The following PLD1 variants were observed in gnomAD, a reference collection of about 807,000 sequenced individuals.
PLD1 encodes the protein choline phosphatase 1.
PLD1 carries 112 observed loss-of-function variants against 137.1 expected under a neutral mutation model. The ratio of observed to expected loss-of-function variants is 0.82; its 90% CI spans 0.70 to 0.96. PLD1 has a LOEUF of 0.96. PLD1 is among the 40% of genes least tolerant of loss of function. The probability of loss-of-function intolerance (pLI) is 0.00; values close to 1 mark genes in which losing one functional copy is unlikely to be tolerated. For missense variants in PLD1, 1,321 were observed against 1,342.0 expected, an observed-to-expected ratio of 0.98 and a Z score of 0.24; for synonymous variants, 431 against 454.7, an observed-to-expected ratio of 0.95 and a Z score of 0.66.
intron 1 of PLD1, among the ~76,000 whole-genome samples, chr3:171,773,517 G>A (rs1396784937): frequency 3.9e-5 from 6 of 151,948 alleles, no homozygotes; most frequent in African/African-American, 9.7e-5. Flanking sequence ...CAGGAGAATC[G>A]CTTGAACCCG....
intron 25 of PLD1, among the ~76,000 whole-genome samples, chr3:171,610,088 G>C (rs904184366): frequency 1.3e-5 from 2 of 152,066 alleles, no homozygotes; most frequent in African/African-American, 4.8e-5. Context: ...ACTCAGTCAA[G>C]ATAGAAGGAA....
At chr3:171,765,006 G>GAA (rs1394425545) in intron 1 of PLD1, 1 of 140,704 alleles carries the variant, frequency 7.1e-6, no homozygotes, top group Admixed American at 7.1e-5. Flanking sequence ...AAGAAAGAAA[G>GAA]AGAAAAAGAA....
chr3:171,669,686 C>A (rs1712544399), intron 19 of PLD1, among the ~76,000 whole-genome samples: 1 of 152,260 alleles, frequency 6.6e-6, no homozygotes, highest in South Asian at 2.1e-4. Flanking sequence ...CAGGCCTGAG[C>A]CACTGCGCCC....
chr3:171,726,169 CTGTTTGG>C (rs1376589890), intron 6 of PLD1, 93 bp from the exon 7 acceptor site: 1 of 784,816 alleles, frequency 1.3e-6, no homozygotes, highest in Non-Finnish European at 2.2e-6. Flanking sequence ...TGTGTATATA[CTGTTTGG>C]TGTGCTCCAC....
At chr3:171,669,125 G>A (rs1335595891) in intron 19 of PLD1, among the ~76,000 whole-genome samples, 3 of 152,132 alleles carry the variant, frequency 2.0e-5, no homozygotes, top group Non-Finnish European at 4.4e-5. Flanking sequence ...CTGGTGGGCA[G>A]GCATCCATAC....
At chr3:171,746,748 A>G (rs549704638) in intron 1 of PLD1, among the ~76,000 whole-genome samples, 16 of 151,408 alleles carry the variant, frequency 1.1e-4, no homozygotes, top group African/African-American at 3.9e-4. Flanking sequence ...TGGACCAATC[A>G]GTTCTCTGTA....
intron 5 of PLD1, 39 bp downstream of exon 5, chr3:171,734,826 A>G (rs1560262440): frequency 7.6e-7 from 1 of 1,319,164 alleles, no homozygotes; most frequent in Admixed American, 1.7e-5. Flanking sequence ...CAGCACTGCA[A>G]AATTAGGTTT....
intron 1 of PLD1, among the ~76,000 whole-genome samples, chr3:171,777,945 A>G (rs1384690490): frequency 5.3e-5 from 8 of 152,252 alleles, no homozygotes. Context: ...ATTTATAACT[A>G]CTTCCTCCAA....
chr3:171,692,427 T>G lies in PLD1; in HGVS notation c.1243A>C (p.Ile415Leu). 1.3e-6 allele frequency: 2 copies of G among 1,570,448 alleles called. No individual in the cohort carries two copies. Among genetic ancestry groups the G allele is most frequent in the Non-Finnish European group, 1.8e-6 (2 of 1,140,184 alleles). The change falls in exon 13 of 27, where the codon ATC (isoleucine) becomes CTC (leucine). Residue 415 changes from isoleucine to leucine, a missense_variant. Ile to Leu is a conservative substitution (Grantham distance 5). Coordinates refer to ENST00000351298, the MANE Select transcript of PLD1 (RefSeq NM_002662.5). ...ACCTCTTTGTAGAGCATTATGAAGA[T>G]CCTCACTCCTTGTTGCTGTCACAGG... ...LKRKAQQGVRIFIMLYKEVEL... is the reference protein window; with the variant it reads ...LKRKAQQGVRLFIMLYKEVEL...
Position 171,737,876 on chromosome 3 carries a change from G to A in PLD1, c.160+16C>T. The A allele has an allele frequency of 6.2e-7, 1 of 1,610,636 alleles. No homozygotes were observed. The highest frequency in any genetic ancestry group is 1.1e-5 in the South Asian group (1 of 90,452). ...GATAAACTCTTTTCTTCCCCGCTCAGATCATCCGTCTTTACCTTCTTGTAT... is the reference window on the plus strand; with the variant it reads ...GATAAACTCTTTTCTTCCCCGCTCAAATCATCCGTCTTTACCTTCTTGTAT... On this transcript the variant is annotated intron_variant, in intron 2 of 26. Coordinates refer to ENST00000351298, the MANE Select transcript of PLD1 (RefSeq NM_002662.5).
intron 1 of PLD1, among the ~76,000 whole-genome samples, chr3:171,805,432 T>C (rs1273985868): frequency 1.3e-5 from 2 of 152,164 alleles, no homozygotes; most frequent in South Asian, 2.1e-4. Context: ...TATTAAAATA[T>C]TGAAATGCTT....
At chr3:171,667,790 T>G (rs144264996) in intron 19 of PLD1, among the ~76,000 whole-genome samples, 483 of 152,346 alleles carry the variant, frequency 3.2e-3, no homozygotes, top group African/African-American at 0.011. Flanking sequence ...GAGTCTCTGA[T>G]GCCCAGGATG....
intron 23 of PLD1, among the ~76,000 whole-genome samples, chr3:171,635,666 C>A (rs1735040984): frequency 6.6e-6 from 1 of 152,016 alleles, no homozygotes; most frequent in South Asian, 2.1e-4. Context: ...ATTCTGTACA[C>A]TAGTACCTTA....
At chr3:171,748,407 G>T (rs1720415809) in intron 1 of PLD1, among the ~76,000 whole-genome samples, 1 of 151,064 alleles carries the variant, frequency 6.6e-6, no homozygotes, top group South Asian at 2.1e-4. Flanking sequence ...TCATGGCCAA[G>T]AACGGAATAT....
intron 21 of PLD1, among the ~76,000 whole-genome samples, chr3:171,655,779 G>T (rs1406336771): frequency 6.6e-6 from 1 of 152,158 alleles, no homozygotes; most frequent in Non-Finnish European, 1.5e-5. Context: ...AGACGCCAGG[G>T]GTGAGGGGAA....
At chr3:171,650,564 C>T (rs892734728) in intron 21 of PLD1, among the ~76,000 whole-genome samples, 1 of 152,082 alleles carries the variant, frequency 6.6e-6, no homozygotes, top group African/African-American at 2.4e-5. Context: ...GAGTAGAACC[C>T]TGATGCTGAA....
chr3:171,760,553 A>G (rs1379410550), intron 1 of PLD1, among the ~76,000 whole-genome samples: 1 of 152,226 alleles, frequency 6.6e-6, no homozygotes, highest in Non-Finnish European at 1.5e-5. Context: ...ACAATGATGG[A>G]AAAGGAAGAA....
chr3:171,682,875 G>A (rs1714156486), intron 16 of PLD1, among the ~76,000 whole-genome samples: 1 of 152,104 alleles, frequency 6.6e-6, no homozygotes, highest in South Asian at 2.1e-4. Flanking sequence ...TGATCCTTTG[G>A]CTTTTCTTTT....
intron 21 of PLD1, among the ~76,000 whole-genome samples, chr3:171,647,668 C>T (rs1448177969): frequency 2.6e-5 from 4 of 152,044 alleles, no homozygotes; most frequent in African/African-American, 7.2e-5. Context: ...AGGCTGGTCT[C>T]GAACTCCTGA....
Sources: gnomAD v4.1 joint callset for allele counts (sites outside exome capture counted in the v4.1 genomes callset) on GRCh38, gnomAD v4.1.1 for gene constraint, MANE v1.5 for transcripts, NCBI Gene and HGNC (gene_info 2026-07-23, HGNC 2026-07-21) for gene names.